NPEPL1: variants seen among roughly 807,000 people sequenced by gnomAD.
NPEPL1 encodes probable aminopeptidase NPEPL1.
A neutral mutation model predicts 52.4 loss-of-function variants in NPEPL1; 45 were observed. The observed-to-expected ratio is 0.86, with a 90% confidence interval of 0.68 to 1.10. The LOEUF is 1.10. NPEPL1 is among the 50% of genes least tolerant of loss of function. The pLI, the probability that NPEPL1 is intolerant of heterozygous loss-of-function variation, is 0.00. For synonymous variants in NPEPL1, 360 were observed against 314.7 expected (o/e 1.14, Z -1.52); for missense variants, 696 against 710.9 (o/e 0.98, Z 0.24).
Position 58,715,495 on chromosome 20 carries a change from G to A in NPEPL1, c.*169G>A, listed in dbSNP as rs1284855257. On this transcript the variant is annotated 3_prime_UTR_variant, in exon 12 of 12. Transcript: ENST00000356091. The stretch of plus-strand genomic sequence containing the variant: ...TAGGAGACAGCTTAGGGTTTGGTGC[G>A]GGCCACGGGGAGGGGACCGGGAAGC... 4 of 674,498 alleles carry A rather than the reference G, an allele frequency of 5.9e-6. No homozygotes were observed. Among genetic ancestry groups the A allele is most frequent in the South Asian group, 4.5e-5 (2 of 44,244 alleles). 41.8% of individuals were successfully genotyped at this position (674,498 alleles called of 1,614,324 possible). A position where few individuals can be genotyped will look rare whatever the true frequency, so the allele number is the denominator to read the frequency against.
intron 11 of NPEPL1, 29 bp from the exon 12 acceptor site, chr20:58,715,139 A>C (rs2084927431): frequency 1.3e-6 from 2 of 1,583,476 alleles, no homozygotes; most frequent in Non-Finnish European, 1.7e-6. Flanking sequence ...CCCCACGCCC[A>C]GAGTCTGTGT....
chr20:58,701,065 C>T lies in NPEPL1; in HGVS notation c.729C>T (p.Val243=). The stretch of plus-strand genomic sequence containing the variant: ...CCCTGCATCCCCCAGCCCTGGCCGT[C>T]CTCAGCCACACCCCAGATGGAGCCA... ...KAALHPPALA[V]LSHTPDGATQ... is the part of the protein sequence containing the mutation. Residue 243 remains valine (V), a synonymous_variant, in exon 6 of 12, where the codon GTC becomes GTT. Transcript: ENST00000356091. The T allele has an allele frequency of 6.3e-7, 1 of 1,596,352 alleles. No homozygotes were observed. Among genetic ancestry groups the T allele is most frequent in the Non-Finnish European group, 8.5e-7 (1 of 1,172,446 alleles).
At chr20:58,691,719 T>TTTTTTTTTTTG, upstream of NPEPL1, 1 of 806,506 alleles carries the variant, frequency 1.2e-6, no homozygotes, top group Non-Finnish European at 2.0e-6. Context: ...TTTTTTCATT[T>TTTTTTTTTTTG]TTAGGCTGGT....
In NPEPL1 at chr20:58,693,928, T is replaced by C. The variant is rs771025898; in HGVS notation, c.336+6T>C. 42 of 1,571,250 alleles carry C rather than the reference T, an allele frequency of 2.7e-5. No individual in the cohort carries two copies. The highest frequency in any genetic ancestry group is 3.4e-5 in the Non-Finnish European group (39 of 1,155,356). On this transcript the variant is annotated splice_donor_region_variant and intron_variant, in intron 2 of 11. Transcript: ENST00000356091. ...GAGCGCATCGCTGCATTGTGGTGAG[T>C]GCTTCGAGAGGAGGCAGCCACGGTG...
At position 58,692,918 on chromosome 20, in the gene NPEPL1, G is replaced by A; in HGVS notation, c.18G>A (p.Leu6=). Residue 6 remains leucine, a synonymous_variant, in exon 1 of 12, where the codon CTG becomes CTA. Transcript: ENST00000356091. This position sits in a 1 kb window ranked among gnomAD's most constrained non-coding sequence, Gnocchi z 5.7. ...GCAGGAAGATGGCGAACGTGGGGCT[G>A]CAGTTCCAGGCGAGCGCGGGGGACT... The part of the protein sequence containing the change: MANVG[L]QFQASAGDSD... 9.1e-7 allele frequency: 1 copy of A among 1,099,476 alleles called. No homozygotes were observed. Among genetic ancestry groups the A allele is most frequent in the Non-Finnish European group, 1.1e-6 (1 of 896,608 alleles). 68.1% of individuals were successfully genotyped at this position (1,099,476 alleles called of 1,614,324 possible). A position where few individuals can be genotyped will look rare whatever the true frequency, so the allele number is the denominator to read the frequency against.
intron 6 of NPEPL1, among the ~76,000 whole-genome samples, chr20:58,705,015 A>G (rs2084710342): frequency 6.6e-6 from 1 of 152,240 alleles, no homozygotes. Flanking sequence ...TACATTATAT[A>G]GTATCAAAAA....
intron 7 of NPEPL1, among the ~76,000 whole-genome samples, chr20:58,708,619 T>G (rs1269540656): frequency 6.6e-6 from 1 of 152,084 alleles, no homozygotes; most frequent in Non-Finnish European, 1.5e-5. Context: ...CCTTCACTGG[T>G]TATAAACTAC....
At chr20:58,693,215 C>T (rs1230074734) in intron 1 of NPEPL1, 165 bp downstream of exon 1, 3 of 360,808 alleles carry the variant, frequency 8.3e-6, no homozygotes, top group South Asian at 1.1e-4. Flanking sequence ...AGTCCTCGCC[C>T]GCGGAGGCCC....
chr20:58,708,415 C>T (rs113315216), intron 7 of NPEPL1, among the ~76,000 whole-genome samples: 17,672 of 152,202 alleles, frequency 0.12, 1,146 homozygotes, highest in African/African-American at 0.14. Flanking sequence ...GGCTGGCAGG[C>T]CCTCACCTGT....
Position 58,715,227 on chromosome 20 carries a change from T to C in NPEPL1, c.1473T>C (p.Ser491=). ...TGCTGGCGCTCTTCGGCCGTGCCTC[T>C]GAGGACCCTCTGCTGAACCTGGTGT... ...ALLLALFGRA[S]EDPLLNLVSP... Residue 491 remains serine, a synonymous_variant, in exon 12 of 12, where the codon TCT becomes TCC. Coordinates refer to ENST00000356091, the MANE Select transcript of NPEPL1 (RefSeq NM_024663.4). The C allele has an allele frequency of 6.2e-7, 1 of 1,609,514 alleles. No individual in the cohort carries two copies. Among genetic ancestry groups the C allele is most frequent in the Non-Finnish European group, 8.5e-7 (1 of 1,179,008 alleles).
intron 7 of NPEPL1, chr20:58,711,105 T>TC (rs1329079557): frequency 3.5e-5 from 1 of 28,676 alleles, no homozygotes; most frequent in Non-Finnish European, 6.0e-5. Context: ...CTCCTCCTCC[T>TC]CCCCCCCTCC....
intron 1 of NPEPL1, 112 bp from the exon 2 acceptor site, chr20:58,693,625 A>C (rs182815403): frequency 1.1e-6 from 1 of 906,888 alleles, no homozygotes; most frequent in East Asian, 2.5e-5. Flanking sequence ...GGAGCTGCGC[A>C]GTGCCCTTCC....
chr20:58,707,320 G>A, intron 7 of NPEPL1, 120 bp downstream of exon 7: 1 of 938,892 alleles, frequency 1.1e-6, no homozygotes, highest in Non-Finnish European at 1.6e-6. Flanking sequence ...CTCCCCAGCG[G>A]ATGCTTGTCC....
chr20:58,690,439 G>A (rs1318523277), upstream of NPEPL1, among the ~76,000 whole-genome samples: 1 of 152,202 alleles, frequency 6.6e-6, no homozygotes, highest in Admixed American at 6.5e-5. Flanking sequence ...TAAACAAAGT[G>A]CTGCCTGTCT....
chr20:58,715,162 T>C lies in NPEPL1; in HGVS notation c.1414-6T>C, dbSNP rs2084927805. The C allele has an allele frequency of 1.3e-6, 2 of 1,598,546 alleles. No individual in the cohort carries two copies. Among genetic ancestry groups the C allele is most frequent in the Non-Finnish European group, 1.7e-6 (2 of 1,175,584 alleles). Reference sequence around the variant, plus strand: ...CCAGAGTCTGTGTCCTGCCCTTTGCTTGCAGGGTGAGCGAGCCACAGGCTT... The same window carrying C: ...CCAGAGTCTGTGTCCTGCCCTTTGCCTGCAGGGTGAGCGAGCCACAGGCTT... On this transcript the variant is annotated splice_region_variant and splice_polypyrimidine_tract_variant and intron_variant, in intron 11 of 11. Transcript: ENST00000356091.
intron 3 of NPEPL1, among the ~76,000 whole-genome samples, chr20:58,695,262 TGTG>T (rs1369079479): frequency 1.5e-4 from 1 of 6,752 alleles, no homozygotes; most frequent in African/African-American, 7.9e-4. Flanking sequence ...GCATGAGTGG[TGTG>T]TGTGTGTGTT....
rs752640208 is a variant in NPEPL1 at position 58,714,709 on chromosome 20, G to T, written c.1413+39G>T. The T allele has an allele frequency of 3.4e-6, 5 of 1,482,522 alleles. No homozygotes were observed. In the African/African-American group the frequency reaches 4.2e-5, roughly 12 times the overall value. The allele number at this position is 1,482,522 out of a possible 1,614,324, so 91.8% of individuals were successfully genotyped here. A position where few individuals can be genotyped will look rare whatever the true frequency, so the allele number is the denominator to read the frequency against. On this transcript the variant is annotated intron_variant, in intron 11 of 11. Transcript: ENST00000356091. The stretch of plus-strand genomic sequence containing the variant: ...CTCCCCACTGGCCCTGGCTGCTCCC[G>T]CCCGCTTGTCCAAACAGCGCCCCTC...
chr20:58,707,639 G>GC (rs2084762774), intron 7 of NPEPL1, among the ~76,000 whole-genome samples: 1 of 138,544 alleles, frequency 7.2e-6, no homozygotes, highest in African/African-American at 2.7e-5. Flanking sequence ...GCCTGGCCAG[G>GC]CCCCCTTCCT....
At chr20:58,702,089 T>A (rs747467320) in intron 6 of NPEPL1, among the ~76,000 whole-genome samples, 7 of 152,160 alleles carry the variant, frequency 4.6e-5, no homozygotes, top group Non-Finnish European at 8.8e-5. Flanking sequence ...AGGGAGTGCA[T>A]CCGCAGCAGA....
Sources: allele counts gnomAD v4.1 joint callset (sites outside exome capture counted in the v4.1 genomes callset), GRCh38; gene constraint gnomAD v4.1.1; non-coding constraint Gnocchi (gnomAD v3.1); transcripts MANE v1.5; gene names NCBI Gene and HGNC (gene_info 2026-07-23, HGNC 2026-07-21).